The following ZNF618 variants were observed in gnomAD, a reference collection of about 807,000 sequenced individuals.
ZNF618 encodes the protein neural precursor cell expressed, developmentally down-regulated 10.
ZNF618 carries 34 observed loss-of-function variants against 103.0 expected under a neutral mutation model. The ratio of observed to expected loss-of-function variants is 0.33; its 90% CI spans 0.25 to 0.44. ZNF618 has a LOEUF of 0.44. Ranked by LOEUF, ZNF618 falls within the 20% of genes least tolerant of loss-of-function variation. The pLI, the probability that ZNF618 is intolerant of heterozygous loss-of-function variation, is 1.00. For missense variants in ZNF618, 1,059 were observed against 1,295.4 expected, an observed-to-expected ratio of 0.82 and a Z score of 2.80; for synonymous variants, 551 against 542.2, an observed-to-expected ratio of 1.02 and a Z score of -0.23.
chr9:113,950,538 A>G (rs1317891858), intron 1 of ZNF618, among the ~76,000 whole-genome samples: 2 of 152,182 alleles, frequency 1.3e-5, no homozygotes, highest in Non-Finnish European at 2.9e-5. Context: ...GAGCCCAGCC[A>G]GGCTTATGTG....
intron 1 of ZNF618, among the ~76,000 whole-genome samples, chr9:113,965,861 G>A (rs543104507): frequency 3.3e-5 from 5 of 152,242 alleles, no homozygotes; most frequent in African/African-American, 9.6e-5. Context: ...CCAGGGCTGC[G>A]CTTAGTACTT....
rs914882806 is a variant in ZNF618, at chr9:113,969,238, C to T, written c.77+78C>T. 7.0e-5 allele frequency: 109 copies of T among 1,552,536 alleles called. 1 individual carries two copies. The highest frequency in any genetic ancestry group is 5.5e-4 in the South Asian group (49 of 89,436). ...TGACTAACAGTTACCACTCTCTGGTCCTCATCTTCCCCCTGGAAGGATGGG... is the reference window on the plus strand; with the variant it reads ...TGACTAACAGTTACCACTCTCTGGTTCTCATCTTCCCCCTGGAAGGATGGG... On this transcript the variant is annotated intron_variant, in intron 2 of 14. Coordinates refer to ENST00000374126, the MANE Select transcript of ZNF618 (RefSeq NM_001318042.2).
chr9:113,962,809 G>A (rs180945641), intron 1 of ZNF618, among the ~76,000 whole-genome samples: 32 of 151,740 alleles, frequency 2.1e-4, no homozygotes, highest in Admixed American at 1.5e-3. Context: ...TGACTCCCCC[G>A]CCTCCCCCAC....
chr9:113,980,504 G>C (rs1486682829), intron 2 of ZNF618, among the ~76,000 whole-genome samples: 1 of 152,128 alleles, frequency 6.6e-6, no homozygotes, highest in East Asian at 1.9e-4. Flanking sequence ...AAGACCGCTT[G>C]AGCCCAGGAG....
intron 1 of ZNF618, among the ~76,000 whole-genome samples, chr9:113,960,926 G>A (rs1348753094): frequency 6.6e-6 from 1 of 152,222 alleles, no homozygotes; most frequent in Non-Finnish European, 1.5e-5. Flanking sequence ...TGTTGGGTGG[G>A]TTGGGCCCTT....
intron 2 of ZNF618, among the ~76,000 whole-genome samples, chr9:113,978,936 C>G (rs1245253564): frequency 6.6e-6 from 1 of 152,206 alleles, no homozygotes; most frequent in African/African-American, 2.4e-5. Context: ...GCATCACTCT[C>G]TGTGTTATTT....
At chr9:113,975,975 C>T (rs1838429581) in intron 2 of ZNF618, among the ~76,000 whole-genome samples, 1 of 152,138 alleles carries the variant, frequency 6.6e-6, no homozygotes, top group African/African-American at 2.4e-5. Context: ...AATGGGGGCC[C>T]ATGTACTTAC....
chr9:114,039,630 C>T (rs956619818), intron 13 of ZNF618, among the ~76,000 whole-genome samples: 6 of 152,094 alleles, frequency 3.9e-5, no homozygotes, highest in African/African-American at 1.4e-4. Flanking sequence ...GGATTACAGG[C>T]GTGAGCCACC....
At chr9:114,047,381 C>T (rs1191723395) in intron 13 of ZNF618, among the ~76,000 whole-genome samples, 1 of 152,190 alleles carries the variant, frequency 6.6e-6, no homozygotes, top group Non-Finnish European at 1.5e-5. Context: ...TTGTGTCACA[C>T]ATGGCTTTGG....
At chr9:113,969,772 C>T (rs555895752) in intron 2 of ZNF618, among the ~76,000 whole-genome samples, 1 of 152,332 alleles carries the variant, frequency 6.6e-6, no homozygotes, top group Admixed American at 6.5e-5. Context: ...GTAATGTTAA[C>T]ACCCATGCTG....
In ZNF618 at chr9:114,049,819, C is replaced by G; in HGVS notation, c.2517C>G (p.Ser839=). 6.2e-7 allele frequency: 1 copy of G among 1,613,968 alleles called. No individual in the cohort carries two copies. Among genetic ancestry groups the G allele is most frequent in the Non-Finnish European group, 8.5e-7 (1 of 1,179,904 alleles). Reference sequence around the variant, plus strand: ...AGCTCATCAACGAGGTGAAGGAGTCCTGGGCCGAGGAGGCCGACTTCGAGC... The same window carrying G: ...AGCTCATCAACGAGGTGAAGGAGTCGTGGGCCGAGGAGGCCGACTTCGAGC... ...VCELINEVKE[S]WAEEADFEPA... is the part of the protein sequence containing the mutation. Residue 839 remains serine (S), a synonymous_variant, in exon 15 of 15, where the codon TCC becomes TCG. Transcript: ENST00000374126.
At chr9:113,879,782 G>GTTT (rs796540505) in intron 1 of ZNF618, among the ~76,000 whole-genome samples, 1 of 139,334 alleles carries the variant, frequency 7.2e-6, no homozygotes, top group Admixed American at 7.2e-5. Flanking sequence ...GCCTAAGGAG[G>GTTT]TTTTTTTTTT....
intron 1 of ZNF618, among the ~76,000 whole-genome samples, chr9:113,918,009 G>C (rs937407160): frequency 6.6e-6 from 1 of 152,060 alleles, no homozygotes; most frequent in South Asian, 2.1e-4. Flanking sequence ...GAGCCGATCC[G>C]GGATCCCACA....
intron 1 of ZNF618, among the ~76,000 whole-genome samples, chr9:113,926,149 G>GTTT (rs202041982): frequency 1.5e-5 from 2 of 132,560 alleles, no homozygotes; most frequent in Non-Finnish European, 1.7e-5. Context: ...CTAGGTTGGT[G>GTTT]TTGTTTTTTT....
intron 1 of ZNF618, among the ~76,000 whole-genome samples, chr9:113,942,971 T>C (rs768263236): frequency 6.6e-5 from 10 of 152,116 alleles, no homozygotes; most frequent in Non-Finnish European, 1.2e-4. Flanking sequence ...GGCGAAAGTG[T>C]AATTTATTTA....
chr9:113,889,528 T>C (rs1829427508), intron 1 of ZNF618, among the ~76,000 whole-genome samples: 1 of 152,204 alleles, frequency 6.6e-6, no homozygotes, highest in Non-Finnish European at 1.5e-5. Context: ...TTCACCACAT[T>C]GTATTGATGG....
intron 3 of ZNF618, among the ~76,000 whole-genome samples, chr9:113,989,228 G>A (rs952676032): frequency 5.9e-5 from 9 of 152,222 alleles, no homozygotes; most frequent in African/African-American, 1.9e-4. Flanking sequence ...AGGACAGGTG[G>A]TGGGGACCAT....
intron 1 of ZNF618, among the ~76,000 whole-genome samples, chr9:113,944,930 G>C (rs1355450538): frequency 6.6e-6 from 1 of 152,210 alleles, no homozygotes; most frequent in Non-Finnish European, 1.5e-5. Flanking sequence ...CAGTGTGGCT[G>C]TAACAGATGC....
chr9:113,923,908 A>G (rs1832857664), intron 1 of ZNF618, among the ~76,000 whole-genome samples: 1 of 152,108 alleles, frequency 6.6e-6, no homozygotes, highest in Non-Finnish European at 1.5e-5. Flanking sequence ...AAAATTTGAA[A>G]TGCTTCAGTG....
Sources: gnomAD v4.1 joint callset for allele counts (sites outside exome capture counted in the v4.1 genomes callset) on GRCh38, gnomAD v4.1.1 for gene constraint, MANE v1.5 for transcripts, NCBI Gene and HGNC (gene_info 2026-07-23, HGNC 2026-07-21) for gene names.